SYNE2: variants seen among roughly 807,000 people sequenced by gnomAD.
SYNE2 encodes spectrin repeat containing nuclear envelope protein 2, also known as nesprin-2.
SYNE2 carries 431 observed loss-of-function variants against 856.3 expected under a neutral mutation model. That is an observed-to-expected ratio of 0.50 (90% CI 0.47 to 0.55). SYNE2 has a LOEUF of 0.55. SYNE2 is among the 20% of genes least tolerant of loss of function. SYNE2 has a pLI of 0.00. For synonymous variants in SYNE2, 2,923 were observed against 2,872.3 expected (o/e 1.02, Z -0.56); for missense variants, 8,129 against 8,023.2 (o/e 1.01, Z -0.50).
At chr14:63,764,511 G>A (rs959583929) in intron 1 of SYNE2, among the ~76,000 whole-genome samples, 1 of 38,778 alleles carries the variant, frequency 2.6e-5, no homozygotes, top group Non-Finnish European at 5.4e-5. Flanking sequence ...CCTGCCCCCC[G>A]CCCCCGCCTC....
chr14:64,192,881 A>G (rs2098524648), intron 99 of SYNE2, among the ~76,000 whole-genome samples: 3 of 152,154 alleles, frequency 2.0e-5, no homozygotes. Context: ...GGAGGGAATC[A>G]TTTTTCTTAT....
rs57915649 is a variant in SYNE2, at chr14:64,122,829, G to A, written c.13422+402G>A. 4.4e-3 allele frequency among the ~76,000 whole-genome samples: 671 copies of A among 152,280 alleles called. 4 individuals are homozygous for A. The highest frequency in any genetic ancestry group is 0.015 in the African/African-American group (604 of 41,568). ...TATTTTAAGAAACACTTGGCCAGGC[G>A]CGGTGGCTCACGCCTGTAATCCCAG... On this transcript the variant is annotated intron_variant, in intron 70 of 115. Coordinates refer to ENST00000555002, the MANE Select transcript of SYNE2 (RefSeq NM_182914.3).
chr14:63,814,228 C>G (rs996740874), intron 1 of SYNE2, among the ~76,000 whole-genome samples: 1 of 151,610 alleles, frequency 6.6e-6, no homozygotes, highest in Non-Finnish European at 1.5e-5. Flanking sequence ...TGAGATCATG[C>G]CACTGCACTC....
At chr14:63,918,881 T>C (rs897343092) in intron 2 of SYNE2, among the ~76,000 whole-genome samples, 1 of 152,222 alleles carries the variant, frequency 6.6e-6, no homozygotes, top group African/African-American at 2.4e-5. Flanking sequence ...TCCAAAACAT[T>C]GGAATCGTTT....
chr14:63,772,785 T>A (rs1283894219), intron 1 of SYNE2, among the ~76,000 whole-genome samples: 6 of 150,612 alleles, frequency 4.0e-5, no homozygotes, highest in Admixed American at 6.6e-5. Flanking sequence ...CTACATTACT[T>A]TTTTTTTTGG....
rs772988800 is a variant in SYNE2, at chr14:63,967,865, T to A, written c.1128+19T>A. 1 of 1,613,304 alleles carries A rather than the reference T, an allele frequency of 6.2e-7. No homozygotes were observed. Among genetic ancestry groups the A allele is most frequent in the Admixed American group, 1.7e-5 (1 of 60,002 alleles). Reference sequence around the variant, plus strand: ...TCACCAGGTGACTGTTTGTGTTGATTAGAAGAATATTTTCAGGCCAAAAGC... The same window carrying A: ...TCACCAGGTGACTGTTTGTGTTGATAAGAAGAATATTTTCAGGCCAAAAGC... On this transcript the variant is annotated intron_variant, in intron 11 of 115. Coordinates refer to ENST00000555002, the MANE Select transcript of SYNE2 (RefSeq NM_182914.3).
intron 99 of SYNE2, among the ~76,000 whole-genome samples, chr14:64,198,978 T>C (rs974871424): frequency 1.3e-5 from 2 of 152,228 alleles, no homozygotes; most frequent in African/African-American, 4.8e-5. Context: ...GAAGAAGTCC[T>C]ATCTTCCAGC....
intron 80 of SYNE2, among the ~76,000 whole-genome samples, 190 bp from the exon 81 acceptor site, chr14:64,141,151 T>C (rs1249153359): frequency 2.6e-5 from 4 of 152,158 alleles, no homozygotes; most frequent in African/African-American, 4.8e-5. Context: ...TTGAGGGGTA[T>C]GCATTCCATC....
chr14:64,141,416 C>G lies in SYNE2; in HGVS notation c.15052C>G (p.Leu5018Val), dbSNP rs756759862. 1 of 1,613,866 alleles carries G rather than the reference C, an allele frequency of 6.2e-7. No homozygotes were observed. The highest frequency in any genetic ancestry group is 1.3e-5 in the African/African-American group (1 of 74,886). Residue 5018 changes from leucine (L) to valine (V), a missense_variant, in exon 81 of 116, where the codon CTG becomes GTG. Around this residue, in one of 3 missense-constraint regions of SYNE2, gnomAD observed 5,410 missense variants for 5,284.8 expected, o/e 1.02. Transcript: ENST00000555002. Reference sequence around the variant, plus strand: ...CAGTATCGGGAACCAGCTTCTTCACCTGAAAGAAACTGATACAGCTACACT... The same window carrying G: ...CAGTATCGGGAACCAGCTTCTTCACGTGAAAGAAACTGATACAGCTACACT... ...VISIGNQLLH[L>V]KETDTATLRA...
At chr14:64,202,314 G>A (rs1208658556) in intron 99 of SYNE2, 3 of 702,128 alleles carry the variant, frequency 4.3e-6, no homozygotes, top group Non-Finnish European at 7.8e-6. Context: ...AGGGTCCCAT[G>A]AGAGGCCTTG....
At position 63,982,621 on chromosome 14, in the gene SYNE2, A is replaced by G. The variant is rs1165961147; in HGVS notation, c.1837-9A>G. On this transcript the variant is annotated splice_polypyrimidine_tract_variant and intron_variant, in intron 16 of 115. Coordinates refer to ENST00000555002, the MANE Select transcript of SYNE2 (RefSeq NM_182914.3). Reference sequence around the variant, plus strand: ...CATTAAGATAGTGTGTTGCTTGTGTATCATGTAGGTACCCTTTGAGACACT... The same window carrying G: ...CATTAAGATAGTGTGTTGCTTGTGTGTCATGTAGGTACCCTTTGAGACACT... 6.2e-7 allele frequency: 1 copy of G among 1,613,328 alleles called. No homozygotes were observed. The highest frequency in any genetic ancestry group is 8.5e-7 in the Non-Finnish European group (1 of 1,179,366).
chr14:64,163,709 C>G (rs76205846), intron 89 of SYNE2, 128 bp downstream of exon 89: 1 of 1,006,034 alleles, frequency 9.9e-7, no homozygotes, highest in Non-Finnish European at 1.5e-6. Context: ...TGAAGCTGCT[C>G]CCAAATGTAT....
intron 84 of SYNE2, among the ~76,000 whole-genome samples, chr14:64,150,980 G>T (rs1355131697): frequency 2.0e-5 from 3 of 152,102 alleles, no homozygotes; most frequent in Non-Finnish European, 4.4e-5. Flanking sequence ...ATGTTAGTAT[G>T]GGTGGATTGT....
Position 63,853,019 on chromosome 14 carries a change from C to T in SYNE2, c.-176C>T, listed in dbSNP as rs954940842. The T allele has an allele frequency of 2.6e-5, 4 of 151,788 alleles. No individual in the cohort carries two copies. The highest frequency in any genetic ancestry group is 4.1e-4 in the South Asian group (2 of 4,834). 9.4% of individuals were successfully genotyped at this position (151,788 alleles called of 1,614,324 possible). A position where few individuals can be genotyped will look rare whatever the true frequency, so the allele number is the denominator to read the frequency against. Reference sequence around the variant, plus strand: ...GAGCGCGCTCAGCTGCGCCCAGAGCCTTCGGCCGGACCTGAAAAAGCGAGA... The same window carrying T: ...GAGCGCGCTCAGCTGCGCCCAGAGCTTTCGGCCGGACCTGAAAAAGCGAGA... On this transcript the variant is annotated 5_prime_UTR_variant, in exon 1 of 116. Transcript: ENST00000555002.
At chr14:63,837,268 A>C (rs1203855899) in intron 1 of SYNE2, among the ~76,000 whole-genome samples, 1 of 152,208 alleles carries the variant, frequency 6.6e-6, no homozygotes, top group Non-Finnish European at 1.5e-5. Flanking sequence ...CTGGACCCCT[A>C]CATCACACAA....
At position 64,016,599 on chromosome 14, in the gene SYNE2, G is replaced by C; in HGVS notation, c.4855G>C (p.Glu1619Gln). ...TTTTGAAGAGCCCCCTTTTGAAAAA[G>C]AGGCTAATATTATTGTGGATAGATG... ...KTFEEPPFEK[E>Q]ANIIVDRWLD... is the part of the protein sequence containing the mutation. Residue 1619 changes from glutamate to glutamine, a missense_variant, in exon 33 of 116, where the codon GAG becomes CAG. By Grantham distance (29) the Glu-to-Gln change is conservative (BLOSUM62 2). Coordinates refer to ENST00000555002, the MANE Select transcript of SYNE2 (RefSeq NM_182914.3). The C allele has an allele frequency of 6.2e-7, 1 of 1,600,672 alleles. No individual in the cohort carries two copies. Among genetic ancestry groups the C allele is most frequent in the Non-Finnish European group, 8.5e-7 (1 of 1,171,724 alleles).
At chr14:63,878,763 G>A (rs929850687) in intron 1 of SYNE2, among the ~76,000 whole-genome samples, 1 of 151,976 alleles carries the variant, frequency 6.6e-6, no homozygotes, top group African/African-American at 2.4e-5. Flanking sequence ...GCCTGGTCTC[G>A]AACTCTCCTG....
At chr14:63,982,554 T>C (rs981053564) in intron 16 of SYNE2, 76 bp from the exon 17 acceptor site, 9 of 1,400,472 alleles carry the variant, frequency 6.4e-6, no homozygotes, top group South Asian at 3.8e-5. Context: ...AAAAAAGCCT[T>C]GGTGAACATT....
At chr14:64,132,810 A>T (rs2098036060) in intron 77 of SYNE2, among the ~76,000 whole-genome samples, 1 of 152,190 alleles carries the variant, frequency 6.6e-6, no homozygotes, top group Non-Finnish European at 1.5e-5. Flanking sequence ...AATCTTGTCT[A>T]AACTCAAAGA....
Sources: gnomAD v4.1 joint callset for allele counts (sites outside exome capture counted in the v4.1 genomes callset) on GRCh38, gnomAD v4.1.1 for gene constraint, gnomAD v4.1.1 regional missense constraint, MANE v1.5 for transcripts, NCBI Gene and HGNC (gene_info 2026-07-23, HGNC 2026-07-21) for gene names.